Variants in DNAH10 observed in about 807,000 individuals in gnomAD.
DNAH10 encodes the protein axonemal beta dynein heavy chain 10.
A neutral mutation model predicts 506.6 loss-of-function variants in DNAH10; 348 were observed. That is an observed-to-expected ratio of 0.69 (90% CI 0.63 to 0.75). The LOEUF is 0.75. Among genes scored for constraint, DNAH10 ranks in the 30% least tolerant of loss-of-function variants. The probability of loss-of-function intolerance (pLI) is 0.00; values close to 1 mark genes in which losing one functional copy is unlikely to be tolerated. For synonymous variants in DNAH10, 2,059 were observed against 2,198.6 expected (o/e 0.94, Z 1.78); for missense variants, 5,179 against 5,787.1 (o/e 0.89, Z 3.41).
intron 19 of DNAH10, 63 bp from the exon 20 acceptor site, chr12:123,813,101 T>C (rs1959004020): frequency 8.4e-7 from 1 of 1,185,562 alleles, no homozygotes; most frequent in Non-Finnish European, 1.2e-6. Context: ...AATACTAATA[T>C]GTACGTTGGA....
At chr12:123,898,100 T>G in intron 55 of DNAH10, 133 bp downstream of exon 55, 1 of 869,040 alleles carries the variant, frequency 1.2e-6, no homozygotes, top group Non-Finnish European at 1.7e-6. Flanking sequence ...TTGGATTTTG[T>G]GTCTTGGAGC....
At position 123,928,289 on chromosome 12, in the gene DNAH10, C is replaced by G. The variant is rs961846124; in HGVS notation, c.12106-98C>G. 7.5e-7 allele frequency: 1 copy of G among 1,334,392 alleles called. No homozygotes were observed. Among genetic ancestry groups the G allele is most frequent in the African/African-American group, 1.5e-5 (1 of 68,418 alleles). The allele number at this position is 1,334,392 out of a possible 1,614,324, so 82.7% of individuals were successfully genotyped here. ...GGCTTGCTTTTGGCTTCTGCTGGAG[C>G]TGCCATCGCCCTTCTGTGGGTGTGG... On this transcript the variant is annotated intron_variant, in intron 69 of 78. Transcript: ENST00000673944. This position sits in a 1 kb window ranked among gnomAD's most constrained non-coding sequence, Gnocchi z 4.9.
At position 123,929,384 on chromosome 12, in the gene DNAH10, T is replaced by C. The variant is rs889332328; in HGVS notation, c.12416T>C (p.Val4139Ala). 1.2e-6 allele frequency: 2 copies of C among 1,613,208 alleles called. No individual in the cohort carries two copies. Among genetic ancestry groups the C allele is most frequent in the African/African-American group, 1.3e-5 (1 of 75,048 alleles). Residue 4139 changes from valine (V) to alanine (A), a missense_variant, in exon 71 of 79, where the codon GTC becomes GCC. By Grantham distance (64) the Val-to-Ala change is moderately conservative. Coordinates refer to ENST00000673944, the MANE Select transcript of DNAH10 (RefSeq NM_001372106.1). ...QCPHPAFKPL[V>A]YVLAFFHAVV... ...CCGCACCCTGCCTTCAAGCCGCTGG[T>C]CTACGTGCTGGCGTTCTTTCATGCT...
intron 11 of DNAH10, among the ~76,000 whole-genome samples, chr12:123,793,367 C>A (rs996157385): frequency 3.2e-5 from 4 of 124,936 alleles, no homozygotes; most frequent in African/African-American, 1.2e-4. Flanking sequence ...GGAATGGAGT[C>A]TCGCTCTGTC....
intron 10 of DNAH10, among the ~76,000 whole-genome samples, chr12:123,788,876 G>C (rs1011117881): frequency 8.0e-4 from 121 of 150,676 alleles, no homozygotes; most frequent in African/African-American, 2.9e-3. Flanking sequence ...AGTGAGCCGT[G>C]GTCACGCCAG....
chr12:123,874,018 A>G (rs1196253116), intron 46 of DNAH10, among the ~76,000 whole-genome samples: 1 of 152,108 alleles, frequency 6.6e-6, no homozygotes, highest in Non-Finnish European at 1.5e-5. Context: ...GCTCTTATTT[A>G]GATAATAATA....
In DNAH10 at chr12:123,897,849, C is replaced by T. The variant is rs778617597; in HGVS notation, c.9360C>T (p.His3120=). The T allele has an allele frequency of 1.9e-6, 3 of 1,611,522 alleles. No homozygotes were observed. The East Asian group carries it at 6.7e-5, about 36-fold the overall frequency. The change falls in exon 55 of 79, where the codon CAC becomes CAT. Residue 3120 remains histidine (H), a synonymous_variant. Transcript: ENST00000673944. ...HVVLVHQSVD[H]YSQQFLQKLR... is the part of the protein sequence containing the mutation. ...TCTTGGTTCACCAATCCGTGGACCA[C>T]TACAGCCAACAGTTTCTACAGAAAT...
Position 123,787,661 on chromosome 12 carries a change from G to T in DNAH10, c.1422-143G>T, listed in dbSNP as rs535721515. On this transcript the variant is annotated intron_variant, in intron 9 of 78. Transcript: ENST00000673944. This position sits in a 1 kb window ranked among gnomAD's most constrained non-coding sequence, Gnocchi z 4.6. ...CATGGGACAGGGCAGCCGCTTGCCC[G>T]CTCTGCCTTTTCCGATGAGGCCGTG... 2 of 972,606 alleles carry T rather than the reference G, an allele frequency of 2.1e-6. No homozygotes were observed. Among genetic ancestry groups the T allele is most frequent in the African/African-American group, 1.7e-5 (1 of 60,544 alleles). 60.2% of individuals were successfully genotyped at this position (972,606 alleles called of 1,614,324 possible).
At position 123,785,660 on chromosome 12, in the gene DNAH10, A is replaced by T; in HGVS notation, c.1231-86A>T. 3.5e-6 allele frequency: 4 copies of T among 1,142,252 alleles called. No individual in the cohort carries two copies. Among genetic ancestry groups the T allele is most frequent in the Non-Finnish European group, 4.7e-6 (4 of 844,922 alleles). The allele number at this position is 1,142,252 out of a possible 1,614,324, so 70.8% of individuals were successfully genotyped here. ...GGAAAAAAAAAAAAAAAAAAGAGTG[A>T]AACTTCTTGCATGCTTACTGTTTTA... On this transcript the variant is annotated intron_variant, in intron 8 of 78. Coordinates refer to ENST00000673944, the MANE Select transcript of DNAH10 (RefSeq NM_001372106.1). This position sits in a 1 kb window ranked among gnomAD's most constrained non-coding sequence, Gnocchi z 4.1.
chr12:123,931,746 G>C lies in DNAH10; in HGVS notation c.13027G>C (p.Gly4343Arg), dbSNP rs758694808. The stretch of plus-strand genomic sequence containing the variant: ...CTTGGACCAGGTGAGGAAGCGCCTC[G>C]GAACAGGACTCTCCCCCACTTCGGT... ...FDLDQVRKRL[G>R]TGLSPTSVVL... Residue 4343 changes from glycine to arginine, a missense_variant, in exon 75 of 79, where the codon GGA (glycine) becomes CGA (arginine). By Grantham distance (125) the Gly-to-Arg change is moderately radical. This residue lies in a region of DNAH10 where 4,844 missense variants were observed against 5,430.5 expected (regional missense o/e 0.89). Transcript: ENST00000673944. 2 of 1,613,854 alleles carry C rather than the reference G, an allele frequency of 1.2e-6. No individual in the cohort carries two copies. Among genetic ancestry groups the C allele is most frequent in the African/African-American group, 1.3e-5 (1 of 74,916 alleles).
At chr12:123,872,267 T>C (rs1487825872) in intron 45 of DNAH10, among the ~76,000 whole-genome samples, 1 of 152,112 alleles carries the variant, frequency 6.6e-6, no homozygotes, top group Non-Finnish European at 1.5e-5. Flanking sequence ...GGACAAGTGA[T>C]AGTGAACAAG....
chr12:123,839,429 A>G (rs576194784), intron 29 of DNAH10, among the ~76,000 whole-genome samples: 6 of 152,152 alleles, frequency 3.9e-5, no homozygotes, highest in African/African-American at 1.2e-4. Flanking sequence ...CATAACCCCA[A>G]TGGTTACCTG....
At position 123,881,610 on chromosome 12, in the gene DNAH10, T is replaced by G; in HGVS notation, c.8635-15T>G. ...CATGCTGGGTTTTGAATTCTTTTTT[T>G]TTTTTTAAATGCAGGAAATTCTTGA... On this transcript the variant is annotated splice_polypyrimidine_tract_variant and intron_variant, in intron 50 of 78. Transcript: ENST00000673944. 6.6e-7 allele frequency: 1 copy of G among 1,519,878 alleles called. No individual in the cohort carries two copies. The highest frequency in any genetic ancestry group is 1.3e-5 in the South Asian group (1 of 76,736). The allele number at this position is 1,519,878 out of a possible 1,614,324, so 94.1% of individuals were successfully genotyped here.
At position 123,826,702 on chromosome 12, in the gene DNAH10, T is replaced by TGGTCTCA. The variant is rs1208118120; in HGVS notation, c.4197_4203dup (p.Thr1402ValfsTer18). On this transcript the variant is annotated frameshift_variant, in exon 25 of 79. Coordinates refer to ENST00000673944, the MANE Select transcript of DNAH10 (RefSeq NM_001372106.1). LOFTEE classifies it high-confidence loss of function. ...ACGTTTCCAGGTTGCAAAAGAAGAATGGTCTCAGACCCTTTGGATCAACCT... is the reference window on the plus strand; with the variant it reads ...ACGTTTCCAGGTTGCAAAAGAAGAATGGTCTCAGGTCTCAGACCCTTTGGATCAACCT... 6.2e-7 allele frequency: 1 copy of TGGTCTCA among 1,613,182 alleles called. No individual in the cohort carries two copies. The highest frequency in any genetic ancestry group is 1.1e-5 in the South Asian group (1 of 91,020).
Position 123,865,934 on chromosome 12 carries a change from T to A in DNAH10, c.7045-17T>A. 1.3e-6 allele frequency: 2 copies of A among 1,592,838 alleles called. No individual in the cohort carries two copies. The highest frequency in any genetic ancestry group is 1.7e-6 in the Non-Finnish European group (2 of 1,172,944). ...GTGTATAGCTATAGCCATGATTGAT[T>A]TTCTTTATTTATCCAGGTTGGAGAT... On this transcript the variant is annotated splice_polypyrimidine_tract_variant and intron_variant, in intron 40 of 78. Coordinates refer to ENST00000673944, the MANE Select transcript of DNAH10 (RefSeq NM_001372106.1).
rs147621959 is a variant in DNAH10 at position 123,918,866 on chromosome 12, C to A, written c.11423C>A (p.Ser3808Ter). 3.1e-6 allele frequency: 5 copies of A among 1,613,886 alleles called. No individual in the cohort carries two copies. Among genetic ancestry groups the A allele is most frequent in the Non-Finnish European group, 4.2e-6 (5 of 1,179,894 alleles). Reference sequence around the variant, plus strand: ...GTCTTCAGGCTGTCACTGAAGAAGTCGCTGCCTGATTCCATCCTCATGAAA... The same window carrying A: ...GTCTTCAGGCTGTCACTGAAGAAGTAGCTGCCTGATTCCATCCTCATGAAA... ...LEVFRLSLKK[S>*]LPDSILMKRL... The change falls in exon 65 of 79, where the codon TCG becomes TAG. Residue 3808 changes from serine (S) to a stop codon, truncating the protein, a stop_gained. Coordinates refer to ENST00000673944, the MANE Select transcript of DNAH10 (RefSeq NM_001372106.1). LOFTEE classifies it high-confidence loss of function.
intron 6 of DNAH10, among the ~76,000 whole-genome samples, chr12:123,782,569 G>A (rs1010888250): frequency 2.0e-5 from 3 of 151,386 alleles, no homozygotes; most frequent in African/African-American, 7.3e-5. Context: ...ACACCACCAT[G>A]CCTAGCTAAT....
chr12:123,882,973 G>C (rs991158689), intron 51 of DNAH10, among the ~76,000 whole-genome samples: 1 of 151,850 alleles, frequency 6.6e-6, no homozygotes, highest in Admixed American at 6.6e-5. Flanking sequence ...CATGTGAATA[G>C]TGTGTGTGTC....
In DNAH10 at chr12:123,785,672, T is replaced by A; in HGVS notation, c.1231-74T>A. On this transcript the variant is annotated intron_variant, in intron 8 of 78. Coordinates refer to ENST00000673944, the MANE Select transcript of DNAH10 (RefSeq NM_001372106.1). The surrounding 1 kb of genome is among the most constrained non-coding windows in gnomAD (Gnocchi z 4.1). ...AAAAAAAAGAGTGAAACTTCTTGCA[T>A]GCTTACTGTTTTATGAAACTATTTG... 8.6e-7 allele frequency: 1 copy of A among 1,160,198 alleles called. No homozygotes were observed. The highest frequency in any genetic ancestry group is 2.3e-5 in the South Asian group (1 of 43,198). 71.9% of individuals were successfully genotyped at this position (1,160,198 alleles called of 1,614,324 possible).
Sources: gnomAD v4.1 joint callset for allele counts (sites outside exome capture counted in the v4.1 genomes callset) on GRCh38, gnomAD v4.1.1 for gene constraint, gnomAD v4.1.1 regional missense constraint, Gnocchi (gnomAD v3.1) non-coding constraint, MANE v1.5 for transcripts, NCBI Gene and HGNC (gene_info 2026-07-23, HGNC 2026-07-21) for gene names.